NELL1: variants seen among roughly 807,000 people sequenced by gnomAD.
NELL1 encodes the protein neural EGFL like 1.
A neutral mutation model predicts 107.4 loss-of-function variants in NELL1; 76 were observed. That is an observed-to-expected ratio of 0.71 (90% CI 0.59 to 0.86). The LOEUF is 0.86. NELL1 is among the 40% of genes least tolerant of loss of function. NELL1 has a pLI of 0.00. For missense variants in NELL1, 1,024 were observed against 1,005.5 expected (o/e 1.02, Z -0.25); for synonymous variants, 353 against 341.2 (o/e 1.03, Z -0.38).
intron 15 of NELL1, among the ~76,000 whole-genome samples, chr11:21,514,872 A>G (rs7130553): frequency 0.52 from 79,652 of 152,034 alleles, 20,945 homozygotes; most frequent in South Asian, 0.68. Context: ...CTTCCAATGT[A>G]TTTGTTCCTT....
At chr11:21,283,022 T>A (rs1849032105) in intron 14 of NELL1, among the ~76,000 whole-genome samples, 2 of 146,792 alleles carry the variant, frequency 1.4e-5, no homozygotes, top group Non-Finnish European at 3.0e-5. Flanking sequence ...TGAAAGAAGC[T>A]GGGAAGGATA....
At chr11:21,439,261 C>T (rs183595646) in intron 15 of NELL1, among the ~76,000 whole-genome samples, 13 of 152,220 alleles carry the variant, frequency 8.5e-5, no homozygotes, top group South Asian at 4.2e-4. Flanking sequence ...TTCCAGTCTT[C>T]AGTTATACAG....
chr11:21,534,242 A>T, intron 15 of NELL1, 132 bp from the exon 16 acceptor site: 1 of 967,486 alleles, frequency 1.0e-6, no homozygotes, highest in Non-Finnish European at 1.6e-6. Flanking sequence ...TGCTTCTTCC[A>T]GTGACTTTCA....
chr11:20,793,130 T>C (rs967768885), intron 3 of NELL1, among the ~76,000 whole-genome samples: 1 of 152,000 alleles, frequency 6.6e-6, no homozygotes, highest in Non-Finnish European at 1.5e-5. Context: ...TTTAGGCTGA[T>C]AATTTGGTCT....
intron 2 of NELL1, among the ~76,000 whole-genome samples, chr11:20,701,275 T>C (rs1854777935): frequency 6.6e-6 from 1 of 152,204 alleles, no homozygotes; most frequent in Admixed American, 6.5e-5. Flanking sequence ...ATGAGCATTT[T>C]TTCATGTGTC....
intron 2 of NELL1, among the ~76,000 whole-genome samples, chr11:20,722,015 CTCT>C (rs1201618635): frequency 1.9e-5 from 1 of 53,860 alleles, no homozygotes; most frequent in Non-Finnish European, 5.3e-5. Context: ...CTTTCTGAGT[CTCT>C]CTTTTTTTTT....
intron 10 of NELL1, among the ~76,000 whole-genome samples, chr11:20,944,552 GAA>G (rs1189931733): frequency 6.6e-6 from 1 of 152,054 alleles, no homozygotes; most frequent in Admixed American, 6.5e-5. Flanking sequence ...CTCTAAATGA[GAA>G]AGAAAAAAGG....
intron 14 of NELL1, among the ~76,000 whole-genome samples, chr11:21,328,222 G>A (rs1432880837): frequency 6.6e-6 from 1 of 152,124 alleles, no homozygotes; most frequent in Non-Finnish European, 1.5e-5. Context: ...ACTGCTCTAT[G>A]CAGCTTGGGA....
chr11:21,457,291 G>A (rs1023549977), intron 15 of NELL1, among the ~76,000 whole-genome samples: 1 of 152,174 alleles, frequency 6.6e-6, no homozygotes, highest in Non-Finnish European at 1.5e-5. Context: ...AAAAGTCGTA[G>A]AGACATGAGT....
At chr11:21,328,022 C>T (rs2133680498) in intron 14 of NELL1, among the ~76,000 whole-genome samples, 1 of 152,218 alleles carries the variant, frequency 6.6e-6, no homozygotes, top group Non-Finnish European at 1.5e-5. Flanking sequence ...AAAGAAAACC[C>T]TATTTTCTGT....
At chr11:20,689,930 C>T (rs1208418149) in intron 2 of NELL1, among the ~76,000 whole-genome samples, 1 of 151,194 alleles carries the variant, frequency 6.6e-6, no homozygotes, top group African/African-American at 2.4e-5. Flanking sequence ...TATTTCTCCA[C>T]ATCCTCTCCA....
intron 14 of NELL1, among the ~76,000 whole-genome samples, chr11:21,250,649 A>G (rs1419214600): frequency 3.3e-5 from 5 of 152,282 alleles, no homozygotes; most frequent in Non-Finnish European, 7.4e-5. Context: ...TAAACCAGTG[A>G]CTCTAATTCA....
At chr11:20,893,369 G>GCT (rs1554939495) in intron 5 of NELL1, among the ~76,000 whole-genome samples, 15 of 144,546 alleles carry the variant, frequency 1.0e-4, no homozygotes, top group Non-Finnish European at 2.1e-4. Flanking sequence ...TGTATCCCGT[G>GCT]TTTTTTTTTT....
intron 15 of NELL1, among the ~76,000 whole-genome samples, chr11:21,473,899 C>A (rs1303749290): frequency 1.3e-4 from 20 of 152,062 alleles, no homozygotes; most frequent in Admixed American, 1.3e-3. Context: ...CAGATTCATG[C>A]TTCAAGGTGT....
intron 14 of NELL1, among the ~76,000 whole-genome samples, chr11:21,367,493 A>G (rs2133748302): frequency 6.6e-6 from 1 of 152,264 alleles, no homozygotes; most frequent in Non-Finnish European, 1.5e-5. Flanking sequence ...CTCACTAAAG[A>G]ATAAGCTCCG....
At chr11:21,372,258 T>G (rs1460273618) in intron 15 of NELL1, among the ~76,000 whole-genome samples, 1 of 151,958 alleles carries the variant, frequency 6.6e-6, no homozygotes, top group Non-Finnish European at 1.5e-5. Context: ...TACATTTAAT[T>G]TTAAGTAGGT....
At chr11:20,885,899 G>T (rs1849499086) in intron 5 of NELL1, among the ~76,000 whole-genome samples, 1 of 152,156 alleles carries the variant, frequency 6.6e-6, no homozygotes, top group Admixed American at 6.5e-5. Context: ...TCTTCAAACT[G>T]GTTTCCCTTC....
intron 15 of NELL1, among the ~76,000 whole-genome samples, chr11:21,488,933 A>G (rs914963901): frequency 2.0e-5 from 3 of 152,118 alleles, no homozygotes; most frequent in Non-Finnish European, 4.4e-5. Flanking sequence ...TAGATCATTT[A>G]AATAATAAAG....
chr11:21,067,475 T>C (rs1853904642), intron 12 of NELL1, among the ~76,000 whole-genome samples: 1 of 152,162 alleles, frequency 6.6e-6, no homozygotes, highest in Non-Finnish European at 1.5e-5. Context: ...GAGGCCTGTA[T>C]GCTGGGAGGA....
Sources: allele counts gnomAD v4.1 joint callset (sites outside exome capture counted in the v4.1 genomes callset), GRCh38; gene constraint gnomAD v4.1.1; transcripts MANE v1.5; gene names NCBI Gene and HGNC (gene_info 2026-07-23, HGNC 2026-07-21).